FAM135B: variants seen among roughly 807,000 people sequenced by gnomAD.
The protein encoded by FAM135B is family with sequence similarity 135 member B.
A neutral mutation model predicts 127.7 loss-of-function variants in FAM135B; 43 were observed. The observed-to-expected ratio is 0.34, with a 90% CI of 0.26 to 0.43. FAM135B has a LOEUF of 0.43. Among genes scored for constraint, FAM135B ranks in the 20% least tolerant of loss-of-function variants. The probability of loss-of-function intolerance (pLI) is 1.00; values close to 1 mark genes in which losing one functional copy is unlikely to be tolerated. For synonymous variants in FAM135B, 670 were observed against 665.1 expected (o/e 1.01, Z -0.11); for missense variants, 1,558 against 1,725.6 (o/e 0.90, Z 1.72).
intron 11 of FAM135B, among the ~76,000 whole-genome samples, chr8:138,169,881 C>G (rs764286538): frequency 6.6e-6 from 1 of 152,198 alleles, no homozygotes; most frequent in African/African-American, 2.4e-5. Flanking sequence ...TAGGGAAATG[C>G]AGCTTCTTGA....
chr8:138,432,344 G>A (rs1029213001), intron 1 of FAM135B, among the ~76,000 whole-genome samples: 4 of 152,132 alleles, frequency 2.6e-5, no homozygotes, highest in African/African-American at 9.7e-5. Flanking sequence ...GGACTTGCTG[G>A]TAAGGAGCAA....
rs977421122 is a variant in FAM135B, at chr8:138,278,549, C to T, written c.158-12707G>A. ...TTCATAATTTTTCCTATTATAAGAACATGATTTTTTTTTTTTTTTTTTTTT... is the reference window on the plus strand; with the variant it reads ...TTCATAATTTTTCCTATTATAAGAATATGATTTTTTTTTTTTTTTTTTTTT... On this transcript the variant is annotated intron_variant, in intron 3 of 19. Coordinates refer to ENST00000395297, the MANE Select transcript of FAM135B (RefSeq NM_015912.4). 6.9e-5 allele frequency among the ~76,000 whole-genome samples: 9 copies of T among 130,552 alleles called. No homozygotes were observed. The South Asian group carries it at 2.3e-3, about 34-fold the overall frequency. 85.6% of individuals were successfully genotyped at this position (130,552 alleles called of 152,430 possible). A position where few individuals can be genotyped will look rare whatever the true frequency, so the allele number is the denominator to read the frequency against.
At position 138,211,835 on chromosome 8, in the gene FAM135B, A is replaced by G. The variant is rs149385354; in HGVS notation, c.670-14166T>C. Reference sequence around the variant, plus strand: ...GTAATCCCAGCACTTTGGGAGGCTGAGGCAGGTGGATCACCCGAGGTCAGG... The same window carrying G: ...GTAATCCCAGCACTTTGGGAGGCTGGGGCAGGTGGATCACCCGAGGTCAGG... On this transcript the variant is annotated intron_variant, in intron 7 of 19. Coordinates refer to ENST00000395297, the MANE Select transcript of FAM135B (RefSeq NM_015912.4). 8.5e-3 allele frequency among the ~76,000 whole-genome samples: 1,300 copies of G among 152,284 alleles called. 15 individuals carry two copies. Among genetic ancestry groups the G allele is most frequent in the African/African-American group, 0.03 (1,230 of 41,568 alleles).
chr8:138,494,599 A>G (rs950502085), intron 1 of FAM135B, among the ~76,000 whole-genome samples: 48 of 152,340 alleles, frequency 3.2e-4, no homozygotes, highest in African/African-American at 9.1e-4. Flanking sequence ...TCAGGGGCAT[A>G]AAAGAGCAGA....
Position 138,132,477 on chromosome 8 carries a change from C to CGT in FAM135B, c.*114_*115dup. 1 of 843,508 alleles carries CGT rather than the reference C, an allele frequency of 1.2e-6. No homozygotes were observed. Among genetic ancestry groups the CGT allele is most frequent in the Non-Finnish European group, 1.9e-6 (1 of 523,434 alleles). The allele number at this position is 843,508 out of a possible 1,614,324, so 52.3% of individuals were successfully genotyped here. On this transcript the variant is annotated 3_prime_UTR_variant, in exon 20 of 20. Transcript: ENST00000395297. The surrounding 1 kb of genome is among the most constrained non-coding windows in gnomAD (Gnocchi z 4.5). ...TCATGTCAGGTTCCACCCGAGCCTC[C>CGT]GTCCCCCAATGCTGTTGAAGCTTCA...
At chr8:138,137,095 C>G (rs375406846) in intron 19 of FAM135B, 52 bp downstream of exon 19, 6 of 938,204 alleles carry the variant, frequency 6.4e-6, no homozygotes, top group Admixed American at 1.7e-5. Context: ...CATGAATTTA[C>G]TTTTGCTTTT....
intron 19 of FAM135B, among the ~76,000 whole-genome samples, chr8:138,135,342 C>T (rs1407211974): frequency 6.6e-6 from 1 of 152,246 alleles, no homozygotes; most frequent in East Asian, 1.9e-4. Flanking sequence ...TATGTTTAGT[C>T]AAGTCTGAAC....
Position 138,387,388 on chromosome 8 carries a change from G to A in FAM135B, c.-19-19386C>T, listed in dbSNP as rs117152893. ...TGCTGTGTGGATTTGAGATGACGGGGAGTCCATCCAGTAGACATATAGAGA... is the reference window on the plus strand; with the variant it reads ...TGCTGTGTGGATTTGAGATGACGGGAAGTCCATCCAGTAGACATATAGAGA... On this transcript the variant is annotated intron_variant, in intron 1 of 19. Transcript: ENST00000395297. Among the ~76,000 whole-genome samples the A allele has an allele frequency of 8.2e-3, 1,254 of 152,242 alleles. 24 individuals are homozygous for A. Among genetic ancestry groups the A allele is most frequent in the Admixed American group, 0.037 (569 of 15,298 alleles).
chr8:138,154,992 A>T (rs1446948642), intron 12 of FAM135B, among the ~76,000 whole-genome samples: 1 of 152,170 alleles, frequency 6.6e-6, no homozygotes, highest in African/African-American at 2.4e-5. Context: ...ACACATAATT[A>T]TCAGATTCAC....
At chr8:138,281,493 A>G (rs936075692) in intron 3 of FAM135B, among the ~76,000 whole-genome samples, 3 of 152,082 alleles carry the variant, frequency 2.0e-5, no homozygotes, top group Non-Finnish European at 4.4e-5. Context: ...ATTGAGGTAA[A>G]TAGTGTCCTA....
chr8:138,163,351 G>A (rs1819585353), intron 12 of FAM135B, among the ~76,000 whole-genome samples: 1 of 152,120 alleles, frequency 6.6e-6, no homozygotes, highest in Non-Finnish European at 1.5e-5. Context: ...TGTTGGGGGA[G>A]CAGAGACAAA....
intron 7 of FAM135B, among the ~76,000 whole-genome samples, chr8:138,210,773 T>C (rs10875419): frequency 0.73 from 110,491 of 152,058 alleles, 40,412 homozygotes; most frequent in East Asian, 0.83. Flanking sequence ...CAATAGGCTT[T>C]CTACATATGG....
Position 138,141,970 on chromosome 8 carries a change from T to C in FAM135B, c.3639-621A>G, listed in dbSNP as rs1012153865. On this transcript the variant is annotated intron_variant, in intron 16 of 19. Transcript: ENST00000395297. This position sits in a 1 kb window ranked among gnomAD's most constrained non-coding sequence, Gnocchi z 4.7. ...TATACCTCCCCACCTCTACTCATGA[T>C]GAGCATAAAACCATCCAAGAAAAGA... 1.3e-5 allele frequency among the ~76,000 whole-genome samples: 2 copies of C among 152,198 alleles called. No homozygotes were observed. Among genetic ancestry groups the C allele is most frequent in the Non-Finnish European group, 2.9e-5 (2 of 68,032 alleles).
chr8:138,416,776 T>G (rs1440430786), intron 1 of FAM135B, among the ~76,000 whole-genome samples: 5 of 150,958 alleles, frequency 3.3e-5, no homozygotes, highest in African/African-American at 1.2e-4. Context: ...TCCAAACAGA[T>G]CTCCAGAAAG....
intron 9 of FAM135B, among the ~76,000 whole-genome samples, chr8:138,182,034 C>T (rs1815090913): frequency 6.6e-6 from 1 of 152,216 alleles, no homozygotes; most frequent in African/African-American, 2.4e-5. Context: ...GCCTCCGGAA[C>T]TCAGACTGCC....
intron 9 of FAM135B, among the ~76,000 whole-genome samples, chr8:138,193,376 TC>T (rs557390463): frequency 5.9e-4 from 90 of 152,186 alleles, no homozygotes; most frequent in African/African-American, 2.1e-3. Context: ...GAAGAGAGAC[TC>T]CTGGAAACCT....
At chr8:138,487,304 C>T (rs186784035) in intron 1 of FAM135B, among the ~76,000 whole-genome samples, 207 of 151,998 alleles carry the variant, frequency 1.4e-3, no homozygotes, top group African/African-American at 4.8e-3. Flanking sequence ...TAGCTGGTCA[C>T]GGAGGACTTA....
At chr8:138,313,194 C>T (rs1391783910) in intron 2 of FAM135B, among the ~76,000 whole-genome samples, 2 of 152,096 alleles carry the variant, frequency 1.3e-5, no homozygotes, top group Non-Finnish European at 2.9e-5. Flanking sequence ...TGCAGTGGTG[C>T]GATCTCGGCT....
At position 138,241,811 on chromosome 8, in the gene FAM135B, T is replaced by C. The variant is rs1820799379; in HGVS notation, c.669+1131A>G. The stretch of plus-strand genomic sequence containing the variant: ...ACGTTTGGTTGAACATTATTCTAGG[T>C]AAGCCTGTGAGGGTATGTCTGGATG... On this transcript the variant is annotated intron_variant, in intron 7 of 19. Coordinates refer to ENST00000395297, the MANE Select transcript of FAM135B (RefSeq NM_015912.4). This position sits in a 1 kb window ranked among gnomAD's most constrained non-coding sequence, Gnocchi z 4.8. 6.6e-6 allele frequency among the ~76,000 whole-genome samples: 1 copy of C among 152,200 alleles called. No homozygotes were observed. Among genetic ancestry groups the C allele is most frequent in the Non-Finnish European group, 1.5e-5 (1 of 68,042 alleles).
Sources: allele counts gnomAD v4.1 joint callset (sites outside exome capture counted in the v4.1 genomes callset), GRCh38; gene constraint gnomAD v4.1.1; non-coding constraint Gnocchi (gnomAD v3.1); transcripts MANE v1.5; gene names NCBI Gene and HGNC (gene_info 2026-07-23, HGNC 2026-07-21).